The following PHF11 variants were observed in gnomAD, a reference collection of about 807,000 sequenced individuals.
PHF11 encodes BRCA1 C-terminus-associated protein.
In PHF11, 38 loss-of-function variants were observed where a neutral mutation model predicts 40.5. The ratio of observed to expected loss-of-function variants is 0.94; its 90% CI spans 0.72 to 1.23. The LOEUF (loss-of-function observed/expected upper bound fraction) is 1.23, where lower values mean the gene tolerates loss of function less well. Ranked by LOEUF, PHF11 falls within the 50% of genes most tolerant of loss-of-function variation. The pLI is 0.00. For missense variants in PHF11, 369 were observed against 392.4 expected (o/e 0.94, Z 0.50); for synonymous variants, 127 against 138.2 (o/e 0.92, Z 0.57).
chr13:49,499,146 T>A (rs1958866943), intron 1 of PHF11, among the ~76,000 whole-genome samples: 2 of 152,356 alleles, frequency 1.3e-5, no homozygotes, highest in South Asian at 4.1e-4. Context: ...CTGGTCCAGT[T>A]TTCCTGGTGA....
At chr13:49,498,334 A>C (rs1320905217) in intron 1 of PHF11, among the ~76,000 whole-genome samples, 4 of 152,210 alleles carry the variant, frequency 2.6e-5, no homozygotes, top group Non-Finnish European at 5.9e-5. Flanking sequence ...TGACAGTAAC[A>C]TAGTACATTT....
chr13:49,516,279 C>T (rs777676996), intron 3 of PHF11, among the ~76,000 whole-genome samples: 1 of 152,012 alleles, frequency 6.6e-6, no homozygotes, highest in Non-Finnish European at 1.5e-5. Context: ...GTAAGCTTCA[C>T]GTGGACAGGC....
At chr13:49,501,935 C>A (rs1197431835) in intron 1 of PHF11, among the ~76,000 whole-genome samples, 3 of 152,092 alleles carry the variant, frequency 2.0e-5, no homozygotes, top group Non-Finnish European at 4.4e-5. Flanking sequence ...AGGTGATCCA[C>A]CCGCCTCGGC....
At chr13:49,517,811 G>A (rs1287562378) in intron 3 of PHF11, among the ~76,000 whole-genome samples, 2 of 152,136 alleles carry the variant, frequency 1.3e-5, no homozygotes, top group African/African-American at 2.4e-5. Flanking sequence ...CAAGCATTCC[G>A]GTTAGCTGAG....
intron 8 of PHF11, chr13:49,525,737 A>T (rs764740478): frequency 2.5e-5 from 11 of 441,028 alleles, no homozygotes; most frequent in Non-Finnish European, 4.5e-5. Flanking sequence ...CCAAAAGCTC[A>T]TTTATTATAC....
chr13:49,497,421 G>T (rs751248623), intron 1 of PHF11, among the ~76,000 whole-genome samples: 1 of 152,156 alleles, frequency 6.6e-6, no homozygotes, highest in Admixed American at 6.6e-5. Context: ...AAAAACCTTA[G>T]TGGCTCCTCA....
intron 1 of PHF11, among the ~76,000 whole-genome samples, chr13:49,505,032 T>A (rs1285852159): frequency 6.7e-6 from 1 of 149,572 alleles, no homozygotes; most frequent in Non-Finnish European, 1.5e-5. Flanking sequence ...TCGTTAAGAG[T>A]CATCACCACT....
At chr13:49,516,191 G>A (rs148400698) in intron 3 of PHF11, among the ~76,000 whole-genome samples, 205 of 152,084 alleles carry the variant, frequency 1.3e-3, no homozygotes, top group African/African-American at 4.7e-3. Flanking sequence ...ATTTTAATTC[G>A]ATATAATGTG....
intron 2 of PHF11, among the ~76,000 whole-genome samples, chr13:49,509,743 C>T (rs1305400027): frequency 6.6e-6 from 1 of 152,146 alleles, no homozygotes; most frequent in Admixed American, 6.6e-5. Flanking sequence ...TTGCCTGCTG[C>T]CATGTAAAAC....
intron 9 of PHF11, 37 bp from the exon 10 acceptor site, chr13:49,528,474 G>C: frequency 7.0e-7 from 1 of 1,424,890 alleles, no homozygotes; most frequent in South Asian, 1.2e-5. Flanking sequence ...TAAAACTACT[G>C]AATAAGCTGA....
intron 1 of PHF11, among the ~76,000 whole-genome samples, chr13:49,501,000 G>GTTTTTTTTTTTTTTT (rs1206782081): frequency 1.2e-4 from 6 of 51,296 alleles, no homozygotes; most frequent in Middle Eastern, 0.011. Flanking sequence ...ACCAACTTTT[G>GTTTTTTTTTTTTTTT]TTTTTTTTTT....
chr13:49,517,908 C>A, intron 3 of PHF11, 110 bp from the exon 4 acceptor site: 1 of 629,544 alleles, frequency 1.6e-6, no homozygotes. Context: ...TGATGATGCC[C>A]AGGATAAAAT....
intron 1 of PHF11, chr13:49,496,554 C>CAGA: frequency 1.6e-6 from 1 of 618,516 alleles, no homozygotes. Context: ...GAACCCGTCT[C>CAGA]CCCTTCTCCA....
chr13:49,496,717 ACT>A (rs968573775), intron 1 of PHF11: 3 of 167,836 alleles, frequency 1.8e-5, no homozygotes, highest in African/African-American at 7.3e-5. Context: ...TGCCCTAGAG[ACT>A]CTACTAGGCA....
At chr13:49,523,280 A>G (rs1379739001) in intron 7 of PHF11, 39 bp downstream of exon 7, 3 of 1,364,018 alleles carry the variant, frequency 2.2e-6, no homozygotes, top group South Asian at 1.2e-5. Context: ...TATGGCCTAC[A>G]ATACTTATAA....
At chr13:49,499,285 C>T (rs1389839190) in intron 1 of PHF11, among the ~76,000 whole-genome samples, 1 of 152,192 alleles carries the variant, frequency 6.6e-6, no homozygotes, top group Non-Finnish European at 1.5e-5. Flanking sequence ...TCCTCTGGGA[C>T]TATCAGCTAT....
intron 1 of PHF11, chr13:49,496,978 CAT>C: frequency 1.0e-6 from 1 of 972,844 alleles, no homozygotes; most frequent in South Asian, 1.6e-5. Context: ...GGATTACAGG[CAT>C]GTGCCACCAC....
In PHF11 at chr13:49,496,830, C is replaced by CTTTTTTTT. The variant is rs34505707; in HGVS notation, c.94+749_94+756dup. Among the ~76,000 whole-genome samples the CTTTTTTTT allele has an allele frequency of 1.3e-3, 116 of 88,030 alleles. 2 individuals are homozygous for CTTTTTTTT. The highest frequency in any genetic ancestry group is 1.7e-3 in the Non-Finnish European group (84 of 48,614). The allele number at this position is 88,030 out of a possible 152,430, so 57.8% of individuals were successfully genotyped here. On this transcript the variant is annotated intron_variant, in intron 1 of 9. Transcript: ENST00000378319. ...TGAGGAGAGGATGGCTGGGCTTACC[C>CTTTTTTTT]TTTTTTTTTTTTTTTTTTTTTGAGA...
Position 49,496,027 on chromosome 13 carries a change from C to T in PHF11, c.26C>T (p.Pro9Leu). Residue 9 changes from proline (P) to leucine (L), a missense_variant, in exon 1 of 10, where the codon CCC becomes CTC. By Grantham distance (98) the Pro-to-Leu change is moderately conservative. Transcript: ENST00000378319. ...ATGGCCCAGGCGTCGCCGCCCCGGCCCGAGAGGGTGCTCGGCGCCAGCAGC... is the reference window on the plus strand; with the variant it reads ...ATGGCCCAGGCGTCGCCGCCCCGGCTCGAGAGGGTGCTCGGCGCCAGCAGC... MAQASPPRPERVLGASSPE... is the reference protein window; with the variant it reads MAQASPPRLERVLGASSPE... 6.8e-7 allele frequency: 1 copy of T among 1,476,694 alleles called. No individual in the cohort carries two copies. Among genetic ancestry groups the T allele is most frequent in the East Asian group, 3.0e-5 (1 of 33,600 alleles). The allele number at this position is 1,476,694 out of a possible 1,614,324, so 91.5% of individuals were successfully genotyped here.
Sources: allele counts gnomAD v4.1 joint callset (sites outside exome capture counted in the v4.1 genomes callset), GRCh38; gene constraint gnomAD v4.1.1; transcripts MANE v1.5; gene names NCBI Gene and HGNC (gene_info 2026-07-23, HGNC 2026-07-21).